DDX60: variants seen among roughly 807,000 people sequenced by gnomAD.
DDX60 encodes the protein DExD/H-box helicase 60.
DDX60 carries 165 observed loss-of-function variants against 212.8 expected under a neutral mutation model. The ratio of observed to expected loss-of-function variants is 0.78; its 90% CI spans 0.68 to 0.88. The LOEUF is 0.88. Among genes scored for constraint, DDX60 ranks in the 40% least tolerant of loss-of-function variants. The probability of loss-of-function intolerance (pLI) is 0.00; values close to 1 mark genes in which losing one functional copy is unlikely to be tolerated. For synonymous variants in DDX60, 703 were observed against 685.3 expected, an observed-to-expected ratio of 1.03 and a Z score of -0.40; for missense variants, 1,905 against 2,003.9, an observed-to-expected ratio of 0.95 and a Z score of 0.94.
intron 1 of DDX60, among the ~76,000 whole-genome samples, chr4:168,315,422 TTTTTA>T (rs1737321322): frequency 1.3e-5 from 2 of 152,206 alleles, no homozygotes; most frequent in South Asian, 4.1e-4. Context: ...ATATATCCTT[TTTTTA>T]TTTTAAGTTC....
chr4:168,233,952 T>C (rs1733544439), intron 33 of DDX60, among the ~76,000 whole-genome samples: 1 of 152,152 alleles, frequency 6.6e-6, no homozygotes, highest in Non-Finnish European at 1.5e-5. Context: ...AATATGATTC[T>C]AGTTATGTAA....
chr4:168,218,639 CT>C (rs1184119416), intron 37 of DDX60, among the ~76,000 whole-genome samples: 3 of 152,070 alleles, frequency 2.0e-5, no homozygotes, highest in Non-Finnish European at 4.4e-5. Flanking sequence ...ACATAAAGAC[CT>C]TTCCTGATAT....
intron 1 of DDX60, among the ~76,000 whole-genome samples, chr4:168,313,454 G>A (rs1327444434): frequency 1.3e-5 from 2 of 152,136 alleles, no homozygotes; most frequent in Non-Finnish European, 2.9e-5. Flanking sequence ...CAGGTCAGGA[G>A]ATTAGGTATT....
intron 16 of DDX60, among the ~76,000 whole-genome samples, chr4:168,274,516 C>T (rs186571666): frequency 1.6e-3 from 250 of 152,046 alleles, no homozygotes; most frequent in South Asian, 0.015. Flanking sequence ...TCCCTTCAGC[C>T]GAAGAATGTT....
chr4:168,244,460 C>G (rs1733955109), intron 30 of DDX60, among the ~76,000 whole-genome samples: 2 of 152,174 alleles, frequency 1.3e-5, no homozygotes, highest in African/African-American at 4.8e-5. Context: ...GGTGCAGTGG[C>G]TCACGCCTGT....
chr4:168,278,285 C>T (rs888268892), intron 14 of DDX60, among the ~76,000 whole-genome samples: 1 of 152,176 alleles, frequency 6.6e-6, no homozygotes, highest in Admixed American at 6.5e-5. Context: ...GCTAGTTTTG[C>T]TGTTGCACCT....
intron 7 of DDX60, among the ~76,000 whole-genome samples, chr4:168,293,167 G>C (rs1736183067): frequency 6.6e-6 from 1 of 152,082 alleles, no homozygotes; most frequent in Non-Finnish European, 1.5e-5. Context: ...CTGTATATTG[G>C]GGGAAGGAAA....
chr4:168,318,380 T>C (rs1208089191), intron 1 of DDX60, among the ~76,000 whole-genome samples: 1 of 152,234 alleles, frequency 6.6e-6, no homozygotes, highest in Non-Finnish European at 1.5e-5. Flanking sequence ...CTCCTCTCTG[T>C]CTCAGACTTC....
chr4:168,311,937 T>C (rs1055873470), intron 1 of DDX60, among the ~76,000 whole-genome samples: 1 of 152,160 alleles, frequency 6.6e-6, no homozygotes, highest in East Asian at 1.9e-4. Flanking sequence ...CCAGCTACAA[T>C]ATAGAGAATA....
At chr4:168,249,028 G>A (rs1054837805) in intron 28 of DDX60, among the ~76,000 whole-genome samples, 3 of 152,136 alleles carry the variant, frequency 2.0e-5, no homozygotes, top group Non-Finnish European at 4.4e-5. Flanking sequence ...CCAAAATGCT[G>A]GGATTACAGG....
chr4:168,308,491 A>G (rs188560626), intron 3 of DDX60, among the ~76,000 whole-genome samples: 7 of 152,092 alleles, frequency 4.6e-5, no homozygotes, highest in Admixed American at 2.6e-4. Flanking sequence ...AACCTAAATT[A>G]TATATATTTT....
intron 14 of DDX60, among the ~76,000 whole-genome samples, chr4:168,278,962 G>T (rs1735469573): frequency 6.6e-6 from 1 of 152,206 alleles, no homozygotes; most frequent in African/African-American, 2.4e-5. Flanking sequence ...GGTTTTAATT[G>T]TGATGAAACC....
intron 37 of DDX60, among the ~76,000 whole-genome samples, chr4:168,217,350 A>G (rs867634901): frequency 2.6e-5 from 4 of 152,126 alleles, no homozygotes; most frequent in South Asian, 4.1e-4. Context: ...TTTCCTCTAC[A>G]TATCTCTTGT....
In DDX60 at chr4:168,250,951, T is replaced by C; in HGVS notation, c.3858+3A>G. 6.4e-7 allele frequency: 1 copy of C among 1,570,308 alleles called. No individual in the cohort carries two copies. Among genetic ancestry groups the C allele is most frequent in the Non-Finnish European group, 8.6e-7 (1 of 1,159,138 alleles). On this transcript the variant is annotated splice_donor_region_variant and intron_variant, in intron 28 of 37. Transcript: ENST00000393743. ...ATTTTTAGAATGAAGAAAATTCACCTACCCTAAGATATCCTTTTCTAAAGA... is the reference window on the plus strand; with the variant it reads ...ATTTTTAGAATGAAGAAAATTCACCCACCCTAAGATATCCTTTTCTAAAGA...
intron 37 of DDX60, among the ~76,000 whole-genome samples, chr4:168,219,287 C>T (rs577207585): frequency 1.3e-4 from 20 of 149,912 alleles, no homozygotes; most frequent in Non-Finnish European, 2.4e-4. Flanking sequence ...CGTGACTCTC[C>T]GTCTCCAAAA....
chr4:168,252,623 C>T lies in DDX60; in HGVS notation c.3591G>A (p.Val1197=). The T allele has an allele frequency of 6.2e-7, 1 of 1,611,464 alleles. No homozygotes were observed. Among genetic ancestry groups the T allele is most frequent in the South Asian group, 1.1e-5 (1 of 90,352 alleles). Residue 1197 remains valine (V), a synonymous_variant, in exon 27 of 38, where the codon GTG becomes GTA. Transcript: ENST00000393743. ...DEKSQKKTRN[V]DQSLIHEAEH... The stretch of plus-strand genomic sequence containing the variant: ...CAGCTTCATGTATTAGGCTTTGATC[C>T]ACATTTCTGGTTTTTTTCTGGCTCT...
rs1238021733 is a variant in DDX60 at position 168,276,198 on chromosome 4, CA to C, written c.1979-18del. 3 of 1,572,910 alleles carry C rather than the reference CA, an allele frequency of 1.9e-6. No individual in the cohort carries two copies. In the East Asian group the frequency reaches 6.8e-5, roughly 36 times the overall value. On this transcript the variant is annotated intron_variant, in intron 14 of 37. Transcript: ENST00000393743. ...TGGTTTTACCTTGATAAACAATAAA[CA>C]ATAAAATTGTTATAAAGACCATCAA...
intron 33 of DDX60, among the ~76,000 whole-genome samples, chr4:168,227,845 C>T (rs72971450): frequency 2.0e-3 from 311 of 151,994 alleles, no homozygotes; most frequent in African/African-American, 7.2e-3. Flanking sequence ...AATTTTTTAA[C>T]TTTTCACGCA....
chr4:168,246,330 T>C, intron 30 of DDX60, 88 bp downstream of exon 30: 3 of 1,481,688 alleles, frequency 2.0e-6, no homozygotes, highest in Non-Finnish European at 2.8e-6. Flanking sequence ...TCAAGGGTGA[T>C]TGCTACAGAC....
Sources: allele counts gnomAD v4.1 joint callset (sites outside exome capture counted in the v4.1 genomes callset), GRCh38; gene constraint gnomAD v4.1.1; transcripts MANE v1.5; gene names NCBI Gene and HGNC (gene_info 2026-07-23, HGNC 2026-07-21).